The following CC2D2B variants were observed in gnomAD, a reference collection of about 807,000 sequenced individuals.
CC2D2B encodes the protein protein CC2D2B.
Under a neutral mutation model 161.2 loss-of-function variants are expected in CC2D2B, and 128 were observed. The observed-to-expected ratio is 0.79, with a 90% CI of 0.69 to 0.92. The LOEUF (loss-of-function observed/expected upper bound fraction) is 0.92, where lower values mean the gene tolerates loss of function less well. Among genes scored for constraint, CC2D2B ranks in the 40% least tolerant of loss-of-function variants. The probability of loss-of-function intolerance (pLI) is 0.00; values close to 1 mark genes in which losing one functional copy is unlikely to be tolerated. For synonymous variants in CC2D2B, 391 were observed against 449.8 expected, an observed-to-expected ratio of 0.87 and a Z score of 1.65; for missense variants, 1,173 against 1,375.1, an observed-to-expected ratio of 0.85 and a Z score of 2.32.
At chr10:96,025,176 T>TAAAAAAAA (rs2079673861) in intron 33 of CC2D2B, among the ~76,000 whole-genome samples, 2 of 10,290 alleles carry the variant, frequency 1.9e-4, no homozygotes, top group African/African-American at 6.1e-4. Flanking sequence ...TATATATATA[T>TAAAAAAAA]ATATATATAA....
intron 30 of CC2D2B, among the ~76,000 whole-genome samples, chr10:96,017,807 A>G (rs1178808083): frequency 6.6e-6 from 1 of 152,084 alleles, no homozygotes; most frequent in African/African-American, 2.4e-5. Flanking sequence ...AGGCATACTG[A>G]CACATACCTG....
chr10:95,931,577 T>C (rs1250391796), intron 6 of CC2D2B, among the ~76,000 whole-genome samples: 1 of 152,212 alleles, frequency 6.6e-6, no homozygotes, highest in Non-Finnish European at 1.5e-5. Context: ...TTCCGGTACA[T>C]TGTGTCTTTG....
chr10:95,945,564 A>G (rs2076166739), intron 9 of CC2D2B, among the ~76,000 whole-genome samples: 1 of 151,930 alleles, frequency 6.6e-6, no homozygotes, highest in African/African-American at 2.4e-5. Flanking sequence ...CACTCTTTTT[A>G]TATATTTACA....
chr10:96,025,769 C>T (rs2079745434), intron 33 of CC2D2B, among the ~76,000 whole-genome samples: 1 of 152,166 alleles, frequency 6.6e-6, no homozygotes, highest in African/African-American at 2.4e-5. Context: ...CCATGTGTGT[C>T]AGAGGCTTCT....
chr10:96,016,719 G>C (rs2079215047), intron 30 of CC2D2B, among the ~76,000 whole-genome samples: 1 of 151,990 alleles, frequency 6.6e-6, no homozygotes, highest in Non-Finnish European at 1.5e-5. Context: ...TATGGTTTTT[G>C]TTTTTATTTT....
chr10:95,915,020 A>T (rs2098513485), intron 2 of CC2D2B, among the ~76,000 whole-genome samples: 1 of 152,188 alleles, frequency 6.6e-6, no homozygotes, highest in Admixed American at 6.5e-5. Flanking sequence ...GGACATTTTA[A>T]CAATATTGAC....
At chr10:96,024,660 C>T (rs1489197340) in intron 32 of CC2D2B, among the ~76,000 whole-genome samples, 193 bp from the exon 33 acceptor site, 1 of 152,072 alleles carries the variant, frequency 6.6e-6, no homozygotes, top group East Asian at 1.9e-4. Context: ...AAACCCATCC[C>T]CCATCCCCTA....
chr10:96,021,842 A>T (rs1420955230), intron 32 of CC2D2B, among the ~76,000 whole-genome samples: 2 of 152,242 alleles, frequency 1.3e-5, no homozygotes, highest in Non-Finnish European at 2.9e-5. Flanking sequence ...ATTTTTTAAA[A>T]GTCTAAAACA....
chr10:95,968,439 C>G (rs1458823541), intron 14 of CC2D2B, among the ~76,000 whole-genome samples: 1 of 152,156 alleles, frequency 6.6e-6, no homozygotes. Context: ...GTGCTGTAAT[C>G]TCTTTAAATT....
At chr10:95,931,104 A>G (rs1590400157) in intron 6 of CC2D2B, among the ~76,000 whole-genome samples, 2 of 152,116 alleles carry the variant, frequency 1.3e-5, no homozygotes, top group Non-Finnish European at 2.9e-5. Flanking sequence ...TCTTCCTGGT[A>G]TAGTCTTGGG....
rs1031922046 is a variant in CC2D2B at position 96,032,152 on chromosome 10, A to G, written c.*144A>G. The G allele has an allele frequency of 2.0e-5, 12 of 612,624 alleles. 1 individual carries two copies. The South Asian group carries it at 2.3e-4, about 12-fold the overall frequency. 37.9% of individuals were successfully genotyped at this position (612,624 alleles called of 1,614,324 possible). On this transcript the variant is annotated 3_prime_UTR_variant, in exon 35 of 35. Coordinates refer to ENST00000646931, the MANE Select transcript of CC2D2B (RefSeq NM_001349008.3). ...TTTTGATTCACTTACAGAGCTGGGC[A>G]CTATGGAGACTCGCACCCCTGAGTG...
At chr10:95,990,773 G>T in intron 20 of CC2D2B, among the ~76,000 whole-genome samples, 1 of 152,174 alleles carries the variant, frequency 6.6e-6, no homozygotes, top group East Asian at 1.9e-4. Flanking sequence ...GACAGGGTAA[G>T]AGGAGAAAGG....
At chr10:96,029,241 C>CATATATATATAT (rs56195141) in intron 34 of CC2D2B, among the ~76,000 whole-genome samples, 3 of 67,170 alleles carry the variant, frequency 4.5e-5, no homozygotes, top group Non-Finnish European at 7.1e-5. Flanking sequence ...TTTCATGTAC[C>CATATATATATAT]ATATATATAT....
chr10:95,973,207 A>ACT (rs2077197290), intron 16 of CC2D2B, among the ~76,000 whole-genome samples: 1 of 152,150 alleles, frequency 6.6e-6, no homozygotes, highest in African/African-American at 2.4e-5. Flanking sequence ...GTCCAGATGA[A>ACT]GCAGAAAAAT....
chr10:95,975,193 G>A (rs979702453), intron 17 of CC2D2B, among the ~76,000 whole-genome samples: 2 of 152,094 alleles, frequency 1.3e-5, no homozygotes, highest in African/African-American at 4.8e-5. Context: ...TTATAGTTTT[G>A]AAAATTGTTA....
intron 24 of CC2D2B, chr10:96,000,136 C>A (rs2078412839): frequency 3.4e-6 from 5 of 1,472,140 alleles, no homozygotes; most frequent in Non-Finnish European, 4.5e-6. Flanking sequence ...TACAATATCA[C>A]CTTTCTTATA....
At chr10:95,951,187 G>A (rs144305089) in intron 10 of CC2D2B, among the ~76,000 whole-genome samples, 496 of 151,248 alleles carry the variant, frequency 3.3e-3, no homozygotes, top group Non-Finnish European at 5.5e-3. Context: ...TTGAGATAAG[G>A]TGTCATTCAG....
In CC2D2B at chr10:95,972,192, C is replaced by T. The variant is rs565246314; in HGVS notation, c.1771C>T (p.Pro591Ser). 2.4e-6 allele frequency: 3 copies of T among 1,232,030 alleles called. No individual in the cohort carries two copies. Among genetic ancestry groups the T allele is most frequent in the East Asian group, 6.3e-5 (2 of 31,708 alleles). 76.3% of individuals were successfully genotyped at this position (1,232,030 alleles called of 1,614,324 possible). The change falls in exon 16 of 35, where the codon CCT becomes TCT. Residue 591 changes from proline to serine, a missense_variant. Transcript: ENST00000646931. ...GTTTAGCTCTGATAAGCTGGTCATG[C>T]CTGCCGATGGAGAAGTAGGAAGCAG... ...VEFSSDKLVM[P>S]ADGEVGSNVP... is the part of the protein sequence containing the mutation.
chr10:95,930,220 G>A (rs2098547490), intron 6 of CC2D2B, among the ~76,000 whole-genome samples: 1 of 152,146 alleles, frequency 6.6e-6, no homozygotes, highest in Non-Finnish European at 1.5e-5. Flanking sequence ...GTATAAGAAT[G>A]CCTGTGATTT....
Sources: gnomAD v4.1 joint callset for allele counts (sites outside exome capture counted in the v4.1 genomes callset) on GRCh38, gnomAD v4.1.1 for gene constraint, MANE v1.5 for transcripts, NCBI Gene and HGNC (gene_info 2026-07-23, HGNC 2026-07-21) for gene names.